The following MICU1 variants were observed in gnomAD, a reference collection of about 807,000 sequenced individuals.
MICU1 encodes mitochondrial calcium uptake 1, also known as calcium uptake protein 1, mitochondrial.
Under a neutral mutation model 56.8 loss-of-function variants are expected in MICU1, and 45 were observed. The observed-to-expected ratio is 0.79, with a 90% CI of 0.62 to 1.02. The LOEUF is 1.02. MICU1 is among the 50% of genes least tolerant of loss of function. MICU1 has a pLI of 0.00. For missense variants in MICU1, 504 were observed against 587.1 expected (o/e 0.86, Z 1.46); for synonymous variants, 186 against 195.1 (o/e 0.95, Z 0.39).
chr10:72,523,711 ATG>A, intron 5 of MICU1: 3 of 849,736 alleles, frequency 3.5e-6, no homozygotes, highest in Non-Finnish European at 4.9e-6. Flanking sequence ...GCCACCAGAA[ATG>A]TGAGAGTAAT....
At chr10:72,391,438 A>C (rs1279506409) in intron 10 of MICU1, among the ~76,000 whole-genome samples, 1 of 151,374 alleles carries the variant, frequency 6.6e-6, no homozygotes, top group Non-Finnish European at 1.5e-5. Flanking sequence ...CTCCATCTCA[A>C]AAAAAAAATA....
chr10:72,501,164 T>G (rs1355671705), intron 6 of MICU1, among the ~76,000 whole-genome samples: 2 of 152,192 alleles, frequency 1.3e-5, no homozygotes, highest in African/African-American at 2.4e-5. Context: ...CTATGGCTCA[T>G]GCTGAAAATT....
chr10:72,506,123 T>C (rs1034914675), intron 6 of MICU1, among the ~76,000 whole-genome samples: 8 of 152,244 alleles, frequency 5.3e-5, no homozygotes, highest in African/African-American at 1.9e-4. Flanking sequence ...ACTCACCACA[T>C]TCAAACTAGG....
At chr10:72,602,334 CCAG>C (rs1366249938) in intron 1 of MICU1, among the ~76,000 whole-genome samples, 1 of 151,704 alleles carries the variant, frequency 6.6e-6, no homozygotes, top group Non-Finnish European at 1.5e-5. Flanking sequence ...GCCTGTAATC[CCAG>C]CTACTCGGGA....
At chr10:72,463,251 C>T (rs545543972) in intron 8 of MICU1, among the ~76,000 whole-genome samples, 2 of 152,128 alleles carry the variant, frequency 1.3e-5, no homozygotes, top group Admixed American at 1.3e-4. Context: ...TTAGTAGAGA[C>T]GCGGTTTCTC....
intron 5 of MICU1, among the ~76,000 whole-genome samples, chr10:72,509,023 T>C (rs960813489): frequency 6.6e-6 from 1 of 152,204 alleles, no homozygotes; most frequent in Non-Finnish European, 1.5e-5. Flanking sequence ...GCTTTGGTAA[T>C]TGTCTGCCTG....
chr10:72,554,571 A>AC (rs1178054838), intron 3 of MICU1, among the ~76,000 whole-genome samples: 1 of 152,234 alleles, frequency 6.6e-6, no homozygotes, highest in Non-Finnish European at 1.5e-5. Flanking sequence ...AAGATATATC[A>AC]CCAAACAAAA....
chr10:72,580,140 T>C (rs1309748875), intron 1 of MICU1, among the ~76,000 whole-genome samples: 1 of 152,208 alleles, frequency 6.6e-6, no homozygotes, highest in East Asian at 1.9e-4. Context: ...TACTGGAATA[T>C]TAAGTTATAT....
At chr10:72,445,202 C>T (rs958924275) in intron 8 of MICU1, among the ~76,000 whole-genome samples, 2 of 152,104 alleles carry the variant, frequency 1.3e-5, no homozygotes, top group African/African-American at 4.8e-5. Context: ...CAATTTGTAC[C>T]CAGGGTCTGA....
At chr10:72,551,048 G>T in intron 4 of MICU1, 131 bp downstream of exon 4, 1 of 904,592 alleles carries the variant, frequency 1.1e-6, no homozygotes, top group Non-Finnish European at 1.5e-6. Context: ...CACAATGCCT[G>T]ATATTCAATA....
At chr10:72,388,728 A>G (rs1284787417) in intron 10 of MICU1, among the ~76,000 whole-genome samples, 21 of 152,234 alleles carry the variant, frequency 1.4e-4, no homozygotes, top group Non-Finnish European at 1.0e-4. Flanking sequence ...TGTCTTCCCA[A>G]TGCTACTGTG....
intron 10 of MICU1, among the ~76,000 whole-genome samples, chr10:72,400,298 G>C (rs1863408855): frequency 6.6e-6 from 1 of 151,988 alleles, no homozygotes; most frequent in Non-Finnish European, 1.5e-5. Flanking sequence ...ACACTACCCT[G>C]AATCATTCTA....
intron 4 of MICU1, among the ~76,000 whole-genome samples, chr10:72,540,683 A>G (rs959914636): frequency 6.6e-6 from 1 of 152,110 alleles, no homozygotes; most frequent in African/African-American, 2.4e-5. Flanking sequence ...CTAAAATAAA[A>G]CAAAACAAAA....
intron 1 of MICU1, among the ~76,000 whole-genome samples, chr10:72,576,225 C>CAAAAAAAAA (rs34829939): frequency 4.4e-5 from 3 of 68,198 alleles, no homozygotes; most frequent in Admixed American, 2.0e-4. Context: ...AAAAAAACAC[C>CAAAAAAAAA]AAAAAAAAAA....
At chr10:72,624,289 G>A (rs1382984810) in intron 1 of MICU1, among the ~76,000 whole-genome samples, 1 of 152,140 alleles carries the variant, frequency 6.6e-6, no homozygotes, top group Non-Finnish European at 1.5e-5. Context: ...CAACCTCGAG[G>A]GCTCAAGCCA....
At chr10:72,581,368 A>C (rs1840893279) in intron 1 of MICU1, among the ~76,000 whole-genome samples, 1 of 152,190 alleles carries the variant, frequency 6.6e-6, no homozygotes. Flanking sequence ...AATGGCTCAC[A>C]CCTGTAATCC....
At chr10:72,523,928 TAA>T (rs1275589954) in intron 5 of MICU1, 6 of 1,482,290 alleles carry the variant, frequency 4.0e-6, no homozygotes, top group Non-Finnish European at 5.4e-6. Flanking sequence ...AGCAAAATAA[TAA>T]AGTCTTTCTA....
chr10:72,382,404 G>C (rs188958961), intron 10 of MICU1, among the ~76,000 whole-genome samples: 55 of 151,878 alleles, frequency 3.6e-4, no homozygotes, highest in African/African-American at 1.3e-3. Context: ...GAGCCACCGC[G>C]CCTGGCCTGT....
Position 72,368,369 on chromosome 10 carries a change from CA to C in MICU1, c.1271-15del. 1 of 1,609,362 alleles carries C rather than the reference CA, an allele frequency of 6.2e-7. No individual in the cohort carries two copies. The highest frequency in any genetic ancestry group is 8.5e-7 in the Non-Finnish European group (1 of 1,176,564). ...GTTCGCCATTGCCTAGAGGAAGAGG[CA>C]AAAACAACAGGGATAAGTGTTGGCC... On this transcript the variant is annotated splice_polypyrimidine_tract_variant and intron_variant, in intron 11 of 11. Transcript: ENST00000361114.
Sources: gnomAD v4.1 joint callset for allele counts (sites outside exome capture counted in the v4.1 genomes callset) on GRCh38, gnomAD v4.1.1 for gene constraint, MANE v1.5 for transcripts, NCBI Gene and HGNC (gene_info 2026-07-23, HGNC 2026-07-21) for gene names.